PTK7: variants seen among roughly 807,000 people sequenced by gnomAD.
The protein encoded by PTK7 is inactive tyrosine-protein kinase 7.
PTK7 carries 39 observed loss-of-function variants against 116.6 expected under a neutral mutation model. The observed-to-expected ratio is 0.33, with a 90% CI of 0.26 to 0.44. PTK7 has a LOEUF of 0.44. PTK7 is among the 20% of genes least tolerant of loss of function. PTK7 has a pLI of 1.00. For synonymous variants in PTK7, 546 were observed against 563.6 expected, an observed-to-expected ratio of 0.97 and a Z score of 0.44; for missense variants, 1,169 against 1,425.6, an observed-to-expected ratio of 0.82 and a Z score of 2.90.
At position 43,145,112 on chromosome 6, in the gene PTK7, A is replaced by G; in HGVS notation, c.2408-88A>G. ...GCCCAGCCCAGGTGGGTGGGTCCCC[A>G]CTGTGGGAGAGGCTAGGCCCCTCCC... On this transcript the variant is annotated intron_variant, in intron 15 of 19. Transcript: ENST00000230419. The surrounding 1 kb of genome is among the most constrained non-coding windows in gnomAD (Gnocchi z 4.8). The G allele has an allele frequency of 4.8e-6, 6 of 1,253,064 alleles. No individual in the cohort carries two copies. The highest frequency in any genetic ancestry group is 1.5e-5 in the African/African-American group (1 of 66,756). 77.6% of individuals were successfully genotyped at this position (1,253,064 alleles called of 1,614,324 possible). A position where few individuals can be genotyped will look rare whatever the true frequency, so the allele number is the denominator to read the frequency against.
chr6:43,102,267 A>C (rs1767624783), intron 1 of PTK7, among the ~76,000 whole-genome samples: 1 of 152,072 alleles, frequency 6.6e-6, no homozygotes, highest in Non-Finnish European at 1.5e-5. Context: ...TCTACTAAAA[A>C]CCCAAAAATT....
At chr6:43,082,335 C>A (rs905839171) in intron 1 of PTK7, among the ~76,000 whole-genome samples, 1 of 152,126 alleles carries the variant, frequency 6.6e-6, no homozygotes, top group African/African-American at 2.4e-5. Context: ...ACCACCACGC[C>A]AGGCTAATTT....
intron 17 of PTK7, among the ~76,000 whole-genome samples, chr6:43,155,064 G>C (rs1304760741): frequency 6.6e-6 from 1 of 152,248 alleles, no homozygotes; most frequent in Non-Finnish European, 1.5e-5. Context: ...CCCCTTCTCT[G>C]TGAATGGGTG....
intron 17 of PTK7, among the ~76,000 whole-genome samples, chr6:43,153,784 C>T (rs1413453304): frequency 1.3e-5 from 2 of 151,996 alleles, no homozygotes; most frequent in Non-Finnish European, 2.9e-5. Context: ...TACCTGTAAT[C>T]GCAGCACTTT....
chr6:43,095,097 C>T (rs1436584870), intron 1 of PTK7, among the ~76,000 whole-genome samples: 2 of 148,796 alleles, frequency 1.3e-5, no homozygotes, highest in East Asian at 2.0e-4. Flanking sequence ...CAGTGGCTCA[C>T]GCCTGTAGTC....
rs764080314 is a variant in PTK7, at chr6:43,141,890, G to T, written c.1769-41G>T. The stretch of plus-strand genomic sequence containing the variant: ...CACCGTGTACCCTGCCAGCCCCTTG[G>T]CTTACCCCTCCCTGCGCCTCGCTGG... On this transcript the variant is annotated intron_variant, in intron 11 of 19. Transcript: ENST00000230419. This position sits in a 1 kb window ranked among gnomAD's most constrained non-coding sequence, Gnocchi z 4.9. 6.3e-7 allele frequency: 1 copy of T among 1,595,334 alleles called. No individual in the cohort carries two copies. Among genetic ancestry groups the T allele is most frequent in the South Asian group, 1.1e-5 (1 of 89,874 alleles).
At position 43,130,439 on chromosome 6, in the gene PTK7, C is replaced by T. The variant is rs760799969; in HGVS notation, c.661+19C>T. ...ATTGCTGGTGAGCCTGGGGTGGGGG[C>T]GGAAGGGATGAGGTGAGCACAGGAG... On this transcript the variant is annotated intron_variant, in intron 4 of 19. Coordinates refer to ENST00000230419, the MANE Select transcript of PTK7 (RefSeq NM_002821.5). The T allele has an allele frequency of 3.1e-6, 5 of 1,603,060 alleles. No homozygotes were observed. The highest frequency in any genetic ancestry group is 2.7e-5 in the African/African-American group (2 of 74,732).
rs2150488908 is a variant in PTK7 at position 43,161,093 on chromosome 6, G to A, written c.*212G>A. 1 of 667,608 alleles carries A rather than the reference G, an allele frequency of 1.5e-6. No homozygotes were observed. Among genetic ancestry groups the A allele is most frequent in the Non-Finnish European group, 2.4e-6 (1 of 414,890 alleles). The allele number at this position is 667,608 out of a possible 1,614,324, so 41.4% of individuals were successfully genotyped here. On this transcript the variant is annotated 3_prime_UTR_variant, in exon 20 of 20. Transcript: ENST00000230419. Reference sequence around the variant, plus strand: ...GACTTGGACCCAAACTGGGCGACTAGGGCTTTGAGCTGGGCAGTTTTCCCT... The same window carrying A: ...GACTTGGACCCAAACTGGGCGACTAAGGCTTTGAGCTGGGCAGTTTTCCCT...
intron 1 of PTK7, among the ~76,000 whole-genome samples, chr6:43,081,076 T>C (rs1766350952): frequency 6.6e-6 from 1 of 152,152 alleles, no homozygotes; most frequent in East Asian, 1.9e-4. Flanking sequence ...GACCCTCCAT[T>C]CCAGTCCAGC....
intron 1 of PTK7, among the ~76,000 whole-genome samples, chr6:43,113,726 T>A (rs1248396952): frequency 1.3e-5 from 2 of 152,332 alleles, no homozygotes; most frequent in East Asian, 3.9e-4. Context: ...GTTGTCTCAC[T>A]CCTGGCCTAA....
At chr6:43,106,903 A>G (rs1582103458) in intron 1 of PTK7, among the ~76,000 whole-genome samples, 4 of 143,050 alleles carry the variant, frequency 2.8e-5, no homozygotes. Flanking sequence ...GGTGTGAGCC[A>G]CCATGCCCAG....
At chr6:43,150,172 C>CACA (rs1190671285) in intron 17 of PTK7, among the ~76,000 whole-genome samples, 2 of 152,152 alleles carry the variant, frequency 1.3e-5, no homozygotes, top group African/African-American at 4.8e-5. Flanking sequence ...ACCTGGTGGA[C>CACA]CATGCTTTAT....
chr6:43,138,170 TG>T (rs1770156556), intron 7 of PTK7, among the ~76,000 whole-genome samples: 1 of 94,786 alleles, frequency 1.1e-5, no homozygotes, highest in African/African-American at 6.2e-5. Flanking sequence ...ATACATACCT[TG>T]GGGGGTTTGT....
Position 43,158,982 on chromosome 6 carries a change from C to A in PTK7, c.2873+14C>A. The A allele has an allele frequency of 6.2e-7, 1 of 1,612,446 alleles. No individual in the cohort carries two copies. The highest frequency in any genetic ancestry group is 1.1e-5 in the South Asian group (1 of 91,058). On this transcript the variant is annotated intron_variant, in intron 18 of 19. Transcript: ENST00000230419. ...TGTGTACAACAGGTAGAAGGGCATG[C>A]GTGGGGTGGGGGCTCCCCATTTTTT...
At chr6:43,155,439 G>A (rs1222899403) in intron 17 of PTK7, among the ~76,000 whole-genome samples, 2 of 151,992 alleles carry the variant, frequency 1.3e-5, no homozygotes, top group South Asian at 4.1e-4. Context: ...TTAGGGGTTC[G>A]AGACCAGCCT....
At chr6:43,080,839 G>A (rs1766333619) in intron 1 of PTK7, among the ~76,000 whole-genome samples, 1 of 152,082 alleles carries the variant, frequency 6.6e-6, no homozygotes, top group East Asian at 1.9e-4. Flanking sequence ...CTACTCAGGA[G>A]GCTGAGGCAG....
At chr6:43,084,843 T>C (rs967908891) in intron 1 of PTK7, among the ~76,000 whole-genome samples, 4 of 152,096 alleles carry the variant, frequency 2.6e-5, no homozygotes, top group Admixed American at 6.5e-5. Context: ...ATAGATGTAG[T>C]CAGTGACGGC....
rs1478807123 is a variant in PTK7, at chr6:43,139,858, A to G, written c.1618+333A>G. Among the ~76,000 whole-genome samples, 5 of 152,256 alleles carry G rather than the reference A, an allele frequency of 3.3e-5. No homozygotes were observed. The highest frequency in any genetic ancestry group is 1.2e-4 in the African/African-American group (5 of 41,468). ...GCCGTGCATAGTGGCTCACGCCTGT[A>G]ATCCCAACACTTTGGGAAGCCGAGA... On this transcript the variant is annotated intron_variant, in intron 10 of 19. Transcript: ENST00000230419. The surrounding 1 kb of genome is among the most constrained non-coding windows in gnomAD (Gnocchi z 4.6).
intron 17 of PTK7, among the ~76,000 whole-genome samples, chr6:43,156,570 C>G (rs1371043319): frequency 1.3e-5 from 2 of 152,046 alleles, no homozygotes. Flanking sequence ...ATCACCATCA[C>G]TGTACTCCAG....
Sources: gnomAD v4.1 joint callset for allele counts (sites outside exome capture counted in the v4.1 genomes callset) on GRCh38, gnomAD v4.1.1 for gene constraint, Gnocchi (gnomAD v3.1) non-coding constraint, MANE v1.5 for transcripts, NCBI Gene and HGNC (gene_info 2026-07-23, HGNC 2026-07-21) for gene names.